Variants in GJB1 observed in about 807,000 individuals in gnomAD.
GJB1 encodes gap junction protein beta 1.
GJB1 carries 1 observed loss-of-function variant against 12.0 expected under a neutral mutation model. The ratio of observed to expected loss-of-function variants is 0.08; its 90% CI spans 0.03 to 0.40. The LOEUF (loss-of-function observed/expected upper bound fraction) is 0.40. Among genes scored for constraint, GJB1 ranks in the 10% least tolerant of loss-of-function variants. GJB1 has a pLI of 0.98. For synonymous variants in GJB1, 114 were observed against 102.8 expected (o/e 1.11, Z -0.66); for missense variants, 140 against 250.3 (o/e 0.56, Z 2.97).
chrX:71,219,540 G>A (rs920703726), upstream of GJB1, among the ~76,000 whole-genome samples: 1 of 107,857 alleles, frequency 9.3e-6, no homozygotes, highest in Non-Finnish European at 1.9e-5. Context: ...GGGAGGCTGA[G>A]GCAGGTGGAT....
upstream of GJB1, chrX:71,222,664 C>G (rs1355802089): frequency 1.8e-5 from 2 of 109,072 alleles, no homozygotes; most frequent in African/African-American, 6.7e-5. Flanking sequence ...CCTATCCTAC[C>G]GCTTTGGAAC....
chrX:71,221,042 G>GCC (rs2092536918), upstream of GJB1, among the ~76,000 whole-genome samples: 1 of 108,392 alleles, frequency 9.2e-6, no homozygotes, highest in South Asian at 4.0e-4. Context: ...GATTACAGGT[G>GCC]CATGCCACTA....
At chrX:71,219,077 G>A (rs774433292), upstream of GJB1, among the ~76,000 whole-genome samples, 2 of 110,210 alleles carry the variant, frequency 1.8e-5, no homozygotes, top group Admixed American at 2.0e-4. Flanking sequence ...GACAGTGCAT[G>A]TGCAGGGGCC....
upstream of GJB1, among the ~76,000 whole-genome samples, chrX:71,221,323 TTTTATTTATTTATTTATTTATTTA>T (rs57849718): frequency 1.7e-4 from 17 of 100,134 alleles, no homozygotes; most frequent in East Asian, 3.9e-3. Flanking sequence ...CACTAAGGCT[TTTTATTTATTTATTTATTTATTTA>T]TTTATTTATT....
intron 1 of GJB1, among the ~76,000 whole-genome samples, chrX:71,217,181 T>C (rs1183232995): frequency 9.1e-6 from 1 of 109,992 alleles, no homozygotes; most frequent in African/African-American, 3.3e-5. Flanking sequence ...GGTTTTTGAA[T>C]AGTAGGCCTG....
upstream of GJB1, among the ~76,000 whole-genome samples, chrX:71,220,111 G>A (rs2092533920): frequency 9.7e-6 from 1 of 103,053 alleles, no homozygotes; most frequent in Non-Finnish European, 1.9e-5. Context: ...CCAAAGTGCT[G>A]GGATTACAGG....
chrX:71,224,752 A>C lies in GJB1; in HGVS notation c.*193A>C. The stretch of plus-strand genomic sequence containing the variant: ...AGGGGTGGGGAGCTAGAGGCCACCT[A>C]TGCCAGTGCTCAAGGTTACTGGGAG... On this transcript the variant is annotated 3_prime_UTR_variant, in exon 2 of 2. Coordinates refer to ENST00000361726, the MANE Select transcript of GJB1 (RefSeq NM_000166.6). 1 of 471,276 alleles carries C rather than the reference A, an allele frequency of 2.1e-6. No homozygotes were observed. 38.8% of individuals were successfully genotyped at this position (471,276 alleles called of 1,213,427 possible).
chrX:71,218,809 C>A (rs184587106), upstream of GJB1, among the ~76,000 whole-genome samples: 8,042 of 106,739 alleles, frequency 0.075, 360 homozygotes, highest in Middle Eastern at 0.16. Context: ...TGGCGTGAAC[C>A]CAGGGGGCGG....
chrX:71,222,998 G>A (rs1242245696), upstream of GJB1, among the ~76,000 whole-genome samples: 1 of 111,285 alleles, frequency 9.0e-6, no homozygotes, highest in East Asian at 2.8e-4. Context: ...CCCCCCCGTG[G>A]CCATTCTTCT....
At chrX:71,220,695 C>T (rs1279307234), upstream of GJB1, among the ~76,000 whole-genome samples, 3 of 104,154 alleles carry the variant, frequency 2.9e-5, no homozygotes, top group Non-Finnish European at 3.9e-5. Flanking sequence ...TTAGTACAGA[C>T]GGGGTTTCAC....
At chrX:71,220,359 C>T (rs1236304947), upstream of GJB1, among the ~76,000 whole-genome samples, 1 of 92,465 alleles carries the variant, frequency 1.1e-5, no homozygotes, top group Non-Finnish European at 2.1e-5. Context: ...ATAATAGAGA[C>T]GAGGGTCATG....
upstream of GJB1, among the ~76,000 whole-genome samples, chrX:71,220,987 C>T (rs140499165): frequency 0.036 from 3,608 of 99,982 alleles, 84 homozygotes; most frequent in East Asian, 0.085. Context: ...ATCTCCGCCT[C>T]CTGGGTTCAA....
intron 1 of GJB1, among the ~76,000 whole-genome samples, chrX:71,217,137 T>TGTGTGTGTGTGC (rs1425482621): frequency 2.8e-5 from 3 of 108,771 alleles, no homozygotes; most frequent in Middle Eastern, 4.7e-3. Flanking sequence ...TGTGTGTGTG[T>TGTGTGTGTGTGC]GTGCGTGTGC....
rs1474185231 is a variant in GJB1, at chrX:71,224,473, G to A, written c.766G>A (p.Asp256Asn). ...NEINKLLSEQ[D>N]GSLKDILRRS... ...GATCAACAAGCTGCTGAGTGAGCAGGATGGCTCCCTGAAAGACATACTGCG... is the reference window on the plus strand; with the variant it reads ...GATCAACAAGCTGCTGAGTGAGCAGAATGGCTCCCTGAAAGACATACTGCG... The change falls in exon 2 of 2, where the codon GAT (aspartate) becomes AAT (asparagine). Residue 256 changes from aspartate (D) to asparagine (N), a missense_variant. Physicochemically the swap from Asp to Asn is conservative, Grantham distance 23 (BLOSUM62 1). Around this residue, in one of 4 missense-constraint regions of GJB1, gnomAD observed 75 missense variants for 78.8 expected, o/e 0.95. Transcript: ENST00000361726. 2 of 1,206,699 alleles carry A rather than the reference G, an allele frequency of 1.7e-6. No homozygotes were observed. Among genetic ancestry groups the A allele is most frequent in the South Asian group, 1.8e-5 (1 of 56,218 alleles).
At chrX:71,219,991 C>T (rs759725987), upstream of GJB1, among the ~76,000 whole-genome samples, 5 of 103,759 alleles carry the variant, frequency 4.8e-5, no homozygotes, top group South Asian at 9.2e-4. Flanking sequence ...TACAGGCATG[C>T]GCCACCACGC....
chrX:71,222,297 G>A (rs2092539217), upstream of GJB1, among the ~76,000 whole-genome samples: 1 of 105,586 alleles, frequency 9.5e-6, no homozygotes, highest in Non-Finnish European at 2.0e-5. Context: ...CGCCCGGACT[G>A]GAGTGCAGTG....
upstream of GJB1, among the ~76,000 whole-genome samples, chrX:71,218,247 G>A (rs944170765): frequency 8.2e-5 from 9 of 109,864 alleles, no homozygotes; most frequent in Non-Finnish European, 1.3e-4. Flanking sequence ...AGCAGAGAGC[G>A]TGCCACTGTA....
chrX:71,219,433 AT>A (rs907526894), upstream of GJB1, among the ~76,000 whole-genome samples: 5 of 105,215 alleles, frequency 4.8e-5, no homozygotes, highest in Middle Eastern at 4.8e-3. Flanking sequence ...CCTCCTTTTA[AT>A]TTTTTTTTTA....
rs1342096912 is a variant in GJB1 at position 71,224,262 on chromosome X, C to T, written c.555C>T (p.Thr185=). ...NTVDCFVSRP[T]EKTVFTVFML... is the part of the protein sequence containing the mutation. The stretch of plus-strand genomic sequence containing the variant: ...TGGACTGCTTCGTGTCCCGCCCCAC[C>T]GAGAAAACCGTCTTCACCGTCTTCA... Residue 185 remains threonine, a synonymous_variant, in exon 2 of 2, where the codon ACC becomes ACT. Transcript: ENST00000361726. 9 of 1,207,415 alleles carry T rather than the reference C, an allele frequency of 7.5e-6. No homozygotes were observed. Among genetic ancestry groups the T allele is most frequent in the South Asian group, 1.8e-5 (1 of 56,823 alleles).
Sources: gnomAD v4.1 joint callset for allele counts (sites outside exome capture counted in the v4.1 genomes callset) on GRCh38, gnomAD v4.1.1 for gene constraint, gnomAD v4.1.1 regional missense constraint, MANE v1.5 for transcripts, NCBI Gene and HGNC (gene_info 2026-07-23, HGNC 2026-07-21) for gene names.